SACS: variants seen among roughly 807,000 people sequenced by gnomAD.
SACS encodes the protein sacsin molecular chaperone.
SACS carries 197 observed loss-of-function variants against 348.0 expected under a neutral mutation model. The ratio of observed to expected loss-of-function variants is 0.57; its 90% confidence interval spans 0.50 to 0.64. The LOEUF (loss-of-function observed/expected upper bound fraction) is 0.64. SACS is among the 30% of genes least tolerant of loss of function. The pLI, the probability that SACS is intolerant of heterozygous loss-of-function variation, is 0.00. For synonymous variants in SACS, 1,985 were observed against 1,910.6 expected, an observed-to-expected ratio of 1.04 and a Z score of -1.02; for missense variants, 4,999 against 5,360.8, an observed-to-expected ratio of 0.93 and a Z score of 2.11.
chr13:23,334,204 T>C lies in SACS; in HGVS notation c.9672A>G (p.Arg3224=). ...TTGTGCAACTTTTGGTCTTATATTCTCGAGGCAACACAGAGGATAACAAAT... is the reference window on the plus strand; with the variant it reads ...TTGTGCAACTTTTGGTCTTATATTCCCGAGGCAACACAGAGGATAACAAAT... ...FADLLSSVLP[R]EYKTKSCTKW... is the part of the protein sequence containing the mutation. The change falls in exon 10 of 10, where the codon CGA becomes CGG. Residue 3224 remains arginine (R), a synonymous_variant. Coordinates refer to ENST00000382292, the MANE Select transcript of SACS (RefSeq NM_014363.6). 1.9e-6 allele frequency: 3 copies of C among 1,613,846 alleles called. No homozygotes were observed. Among genetic ancestry groups the C allele is most frequent in the Non-Finnish European group, 2.5e-6 (3 of 1,179,808 alleles).
intron 1 of SACS, among the ~76,000 whole-genome samples, chr13:23,422,430 T>C (rs1873990699): frequency 6.6e-6 from 1 of 152,206 alleles, no homozygotes; most frequent in Non-Finnish European, 1.5e-5. Flanking sequence ...TATACAAATA[T>C]TCATCCTTAA....
chr13:23,340,134 A>G lies in SACS; in HGVS notation c.3742T>C (p.Phe1248Leu). The change falls in exon 10 of 10, where the codon TTC becomes CTC. Residue 1248 changes from phenylalanine to leucine, a missense_variant. By Grantham distance (22) the Phe-to-Leu change is conservative (BLOSUM62 0). Around this residue, in one of 6 missense-constraint regions of SACS, gnomAD observed 3,156 missense variants for 3,380.1 expected, o/e 0.93. Coordinates refer to ENST00000382292, the MANE Select transcript of SACS (RefSeq NM_014363.6). The stretch of plus-strand genomic sequence containing the variant: ...TAAATCTCAAGCAAAATATGCTGGA[A>G]TTGATAGTAGTCTTCATCACTAAAG... ...KTFSDEDYYQ[F>L]QHILLEIYGF... The G allele has an allele frequency of 6.2e-7, 1 of 1,613,846 alleles. No individual in the cohort carries two copies. Among genetic ancestry groups the G allele is most frequent in the Non-Finnish European group, 8.5e-7 (1 of 1,179,882 alleles).
Position 23,335,049 on chromosome 13 carries a change from C to G in SACS, c.8827G>C (p.Val2943Leu). The change falls in exon 10 of 10, where the codon GTG becomes CTG. Residue 2943 changes from valine to leucine, a missense_variant. Val to Leu is a conservative substitution (Grantham distance 32, BLOSUM62 1). Around this residue, in one of 6 missense-constraint regions of SACS, gnomAD observed 734 missense variants for 694.0 expected, o/e 1.06. Coordinates refer to ENST00000382292, the MANE Select transcript of SACS (RefSeq NM_014363.6). The surrounding 1 kb of genome is among the most constrained non-coding windows in gnomAD (Gnocchi z 4.7). ...ACATGAATAGGGGTGTTCTGTAACA[C>G]TGATAATGTTGGATCAGAACCAGGG... ...YFPGSDPTLS[V>L]LQNTPIHVVK... The G allele has an allele frequency of 6.2e-7, 1 of 1,613,208 alleles. No homozygotes were observed. The highest frequency in any genetic ancestry group is 1.3e-5 in the African/African-American group (1 of 74,996).
chr13:23,359,559 C>T (rs1007990698), intron 6 of SACS, among the ~76,000 whole-genome samples: 1 of 152,144 alleles, frequency 6.6e-6, no homozygotes, highest in Non-Finnish European at 1.5e-5. Flanking sequence ...GTATTTCCTT[C>T]AAAAAGTAAT....
In SACS at chr13:23,375,207, G is replaced by A. The variant is rs1365453773; in HGVS notation, c.83C>T (p.Ser28Phe). 42 of 1,501,306 alleles carry A rather than the reference G, an allele frequency of 2.8e-5. No individual in the cohort carries two copies. The highest frequency in any genetic ancestry group is 2.1e-5 in the Non-Finnish European group (24 of 1,124,796). The allele number at this position is 1,501,306 out of a possible 1,614,324, so 93.0% of individuals were successfully genotyped here. ...TTCCTTCACATCGCGCACGGTCCAG[G>A]ACGCCAGCGCCGCGACGGTCCTGCA... Reference protein sequence around the residue: ...VGCRTVAALASWTVRDVKERI... With the variant: ...VGCRTVAALAFWTVRDVKERI... Residue 28 changes from serine (S) to phenylalanine (F), a missense_variant, in exon 3 of 10, where the codon TCC (serine) becomes TTC (phenylalanine). Physicochemically the swap from Ser to Phe is radical, Grantham distance 155. Coordinates refer to ENST00000382292, the MANE Select transcript of SACS (RefSeq NM_014363.6).
At chr13:23,376,291 G>T (rs1435539984) in intron 2 of SACS, among the ~76,000 whole-genome samples, 1 of 152,036 alleles carries the variant, frequency 6.6e-6, no homozygotes, top group Non-Finnish European at 1.5e-5. Flanking sequence ...AAGTAAAGTT[G>T]CCATGTAATT....
chr13:23,365,405 A>C (rs1256616501), intron 5 of SACS, 128 bp from the exon 6 acceptor site: 5 of 621,484 alleles, frequency 8.0e-6, no homozygotes, highest in Non-Finnish European at 1.4e-5. Flanking sequence ...TTGCAACATT[A>C]CCTTTAAGAT....
Position 23,330,873 on chromosome 13 carries a change from T to A in SACS, c.13003A>T (p.Lys4335Ter), listed in dbSNP as rs1883422485. ...TCTGGATTTTTGTCAGGATGCCATTTCAAATACAACCGCCTAATAATCTTT... is the reference window on the plus strand; with the variant it reads ...TCTGGATTTTTGTCAGGATGCCATTACAAATACAACCGCCTAATAATCTTT... Reference protein sequence around the residue: ...RKKIIRRLYLKWHPDKNPENH... With the variant: ...RKKIIRRLYL Residue 4335 changes from lysine to a stop codon, truncating the protein, a stop_gained, in exon 10 of 10, where the codon AAA (lysine) becomes TAA (stop). Transcript: ENST00000382292. LOFTEE classifies it high-confidence loss of function. The A allele has an allele frequency of 6.2e-7, 1 of 1,614,002 alleles. No homozygotes were observed. The highest frequency in any genetic ancestry group is 1.1e-5 in the South Asian group (1 of 91,082).
intron 2 of SACS, among the ~76,000 whole-genome samples, chr13:23,376,399 G>C (rs576369784): frequency 6.6e-6 from 1 of 150,666 alleles, no homozygotes; most frequent in Admixed American, 6.6e-5. Context: ...AAAAAAAAAA[G>C]TGACATCTAT....
At position 23,334,940 on chromosome 13, in the gene SACS, T is replaced by C. The variant is rs1868434976; in HGVS notation, c.8936A>G (p.Lys2979Arg). ...TTCGTGAATGCAATTGTAAAGTGCT[T>C]TCACTAGACAATATAAATCTGGCTG... ...DLQPDLYCLVKALYNCIHEDM... is the reference protein window; with the variant it reads ...DLQPDLYCLVRALYNCIHEDM... Residue 2979 changes from lysine (K) to arginine (R), a missense_variant, in exon 10 of 10, where the codon AAA (lysine) becomes AGA (arginine). Physicochemically the swap from Lys to Arg is conservative, Grantham distance 26. Around this residue, in one of 6 missense-constraint regions of SACS, gnomAD observed 734 missense variants for 694.0 expected, o/e 1.06. Coordinates refer to ENST00000382292, the MANE Select transcript of SACS (RefSeq NM_014363.6). 9.9e-6 allele frequency: 16 copies of C among 1,613,800 alleles called. No homozygotes were observed. The highest frequency in any genetic ancestry group is 1.2e-5 in the Non-Finnish European group (14 of 1,179,866).
intron 6 of SACS, among the ~76,000 whole-genome samples, chr13:23,359,176 C>T (rs1035080221): frequency 1.3e-5 from 2 of 150,718 alleles, no homozygotes; most frequent in African/African-American, 2.5e-5. Context: ...AGCAAGATTC[C>T]GTCTCAAAAA....
intron 2 of SACS, among the ~76,000 whole-genome samples, chr13:23,385,995 G>A (rs531134085): frequency 7.2e-5 from 11 of 152,284 alleles, no homozygotes; most frequent in East Asian, 1.9e-4. Context: ...AAAATATTCC[G>A]TAAACCATGC....
chr13:23,361,258 G>C (rs968661946), intron 6 of SACS, among the ~76,000 whole-genome samples: 1 of 152,140 alleles, frequency 6.6e-6, no homozygotes, highest in Non-Finnish European at 1.5e-5. Context: ...ACGAGAAGTC[G>C]GGGGCAGGAA....
Position 23,332,836 on chromosome 13 carries a change from T to C in SACS, c.11040A>G (p.Ile3680Met). 2 of 1,613,852 alleles carry C rather than the reference T, an allele frequency of 1.2e-6. No homozygotes were observed. The highest frequency in any genetic ancestry group is 1.7e-6 in the Non-Finnish European group (2 of 1,179,936). Residue 3680 changes from isoleucine to methionine, a missense_variant, in exon 10 of 10, where the codon ATA becomes ATG. Around this residue, in one of 6 missense-constraint regions of SACS, gnomAD observed 831 missense variants for 941.8 expected, o/e 0.88. Coordinates refer to ENST00000382292, the MANE Select transcript of SACS (RefSeq NM_014363.6). ...GATTTACCTGTGCTCCATTGAACTT[T>C]ATAAGAGGAAGTGTTCCATTTACCT... is the stretch of plus-strand genomic sequence containing the variant. ...YQEVNGTLPLIKFNGAQVNPK... is the reference protein window; with the variant it reads ...YQEVNGTLPLMKFNGAQVNPK...
At position 23,330,764 on chromosome 13, in the gene SACS, T is replaced by C. The variant is rs1883416739; in HGVS notation, c.13112A>G (p.Asn4371Ser). 1.9e-6 allele frequency: 3 copies of C among 1,613,852 alleles called. No homozygotes were observed. The South Asian group carries it at 3.3e-5, about 18-fold the overall frequency. ...TGTTCGTCTGGAGGCCCTGTCTGCA[T>C]TTTGATCTAGAAAAGCCTGTTTTTC... Reference protein sequence around the residue: ...RLEKQAFLDQNADRASRRTFS... With the variant: ...RLEKQAFLDQSADRASRRTFS... Residue 4371 changes from asparagine (N) to serine (S), a missense_variant, in exon 10 of 10, where the codon AAT becomes AGT. Asn to Ser is a conservative substitution (Grantham distance 46, BLOSUM62 1). Coordinates refer to ENST00000382292, the MANE Select transcript of SACS (RefSeq NM_014363.6).
intron 3 of SACS, chr13:23,374,005 G>A (rs1272311961): frequency 6.6e-6 from 1 of 152,246 alleles, no homozygotes; most frequent in Non-Finnish European, 1.5e-5. Context: ...GCACAAGGAA[G>A]TGGACGCAAA....
chr13:23,361,694 T>C (rs1870742909), intron 6 of SACS, among the ~76,000 whole-genome samples: 1 of 151,978 alleles, frequency 6.6e-6, no homozygotes, highest in African/African-American at 2.4e-5. Context: ...GGAGAATCCC[T>C]TGAACCCAGG....
At position 23,362,169 on chromosome 13, in the gene SACS, T is replaced by C. The variant is rs75353332; in HGVS notation, c.457+2997A>G. 2.0e-5 allele frequency among the ~76,000 whole-genome samples: 3 copies of C among 152,314 alleles called. No homozygotes were observed. The East Asian group carries it at 5.8e-4, about 29-fold the overall frequency. On this transcript the variant is annotated intron_variant, in intron 6 of 9. Coordinates refer to ENST00000382292, the MANE Select transcript of SACS (RefSeq NM_014363.6). ...TCTGTTAAGTGCTGGTCTGTGTGCA[T>C]CACTCAGAAACCAACTCCGTGAGAT... is the stretch of plus-strand genomic sequence containing the variant.
intron 6 of SACS, among the ~76,000 whole-genome samples, chr13:23,358,751 G>A (rs777731922): frequency 4.0e-5 from 6 of 151,860 alleles, no homozygotes; most frequent in Non-Finnish European, 7.4e-5. Flanking sequence ...AAAAACATAA[G>A]GCAAACAAGA....
Sources: gnomAD v4.1 joint callset for allele counts (sites outside exome capture counted in the v4.1 genomes callset) on GRCh38, gnomAD v4.1.1 for gene constraint, gnomAD v4.1.1 regional missense constraint, Gnocchi (gnomAD v3.1) non-coding constraint, MANE v1.5 for transcripts, NCBI Gene and HGNC (gene_info 2026-07-23, HGNC 2026-07-21) for gene names.